The following CACNA2D1 variants were observed in gnomAD, a reference collection of about 807,000 sequenced individuals.
CACNA2D1 encodes voltage-dependent calcium channel subunit alpha-2/delta-1.
CACNA2D1 carries 53 observed loss-of-function variants against 171.5 expected under a neutral mutation model. The observed-to-expected ratio is 0.31, with a 90% CI of 0.25 to 0.39. CACNA2D1 has a LOEUF of 0.39. Among genes scored for constraint, CACNA2D1 ranks in the 10% least tolerant of loss-of-function variants. The probability of loss-of-function intolerance (pLI) is 1.00; values close to 1 mark genes in which losing one functional copy is unlikely to be tolerated. For missense variants in CACNA2D1, 903 were observed against 1,299.8 expected (o/e 0.69, Z 4.69); for synonymous variants, 442 against 443.1 (o/e 1.00, Z 0.03).
chr7:82,253,242 T>C (rs969238888), intron 3 of CACNA2D1, among the ~76,000 whole-genome samples: 4 of 152,186 alleles, frequency 2.6e-5, no homozygotes, highest in African/African-American at 7.2e-5. Flanking sequence ...CTGAAAAAGA[T>C]GATTGGCAGT....
chr7:82,367,288 G>A (rs12707489), intron 1 of CACNA2D1, among the ~76,000 whole-genome samples: 93,773 of 151,808 alleles, frequency 0.62, 29,681 homozygotes, highest in Middle Eastern at 0.73. Context: ...TTTCTCTGAT[G>A]ATTAGTGATG....
chr7:82,099,793 T>C (rs1449811928), intron 6 of CACNA2D1, among the ~76,000 whole-genome samples: 2 of 152,152 alleles, frequency 1.3e-5, no homozygotes, highest in Non-Finnish European at 2.9e-5. Context: ...TGTGAATCAC[T>C]GTAGGAATCA....
chr7:82,418,732 C>T (rs973495268), intron 1 of CACNA2D1, among the ~76,000 whole-genome samples: 3 of 152,106 alleles, frequency 2.0e-5, no homozygotes, highest in Non-Finnish European at 4.4e-5. Flanking sequence ...AGTAGACCAA[C>T]AGAAACACCT....
At chr7:81,951,969 GTTTTTTTTTT>G (rs774805421) in intron 38 of CACNA2D1, among the ~76,000 whole-genome samples, 3 of 71,916 alleles carry the variant, frequency 4.2e-5, no homozygotes, top group Non-Finnish European at 7.4e-5. Context: ...TGTACAAAGT[GTTTTTTTTTT>G]TTTTTTTTTT....
At chr7:82,236,927 A>C (rs1215240150) in intron 3 of CACNA2D1, among the ~76,000 whole-genome samples, 1 of 151,932 alleles carries the variant, frequency 6.6e-6, no homozygotes, top group Non-Finnish European at 1.5e-5. Flanking sequence ...ATTACTAGGA[A>C]CTTACTAAAG....
chr7:81,990,014 G>A (rs1045143175), intron 21 of CACNA2D1, among the ~76,000 whole-genome samples: 1 of 152,138 alleles, frequency 6.6e-6, no homozygotes, highest in Non-Finnish European at 1.5e-5. Flanking sequence ...AGACTATGAA[G>A]GCATTGCAGA....
intron 3 of CACNA2D1, among the ~76,000 whole-genome samples, chr7:82,285,783 A>G (rs564873288): frequency 6.6e-6 from 1 of 152,176 alleles, no homozygotes; most frequent in Admixed American, 6.5e-5. Flanking sequence ...AGGCCATGGG[A>G]CCCTCTATGA....
chr7:82,142,578 A>G (rs946138906), intron 4 of CACNA2D1, among the ~76,000 whole-genome samples: 48 of 152,320 alleles, frequency 3.2e-4, no homozygotes, highest in Middle Eastern at 3.4e-3. Flanking sequence ...TATAGTCAAC[A>G]ATTAAAATAT....
intron 6 of CACNA2D1, among the ~76,000 whole-genome samples, chr7:82,095,161 G>A (rs1355619422): frequency 6.6e-6 from 1 of 151,996 alleles, no homozygotes; most frequent in Non-Finnish European, 1.5e-5. Flanking sequence ...TCTGTATGCT[G>A]TCTTCTCTGT....
chr7:82,313,677 T>C (rs949720992), intron 3 of CACNA2D1, among the ~76,000 whole-genome samples: 3 of 152,248 alleles, frequency 2.0e-5, no homozygotes, highest in Non-Finnish European at 2.9e-5. Flanking sequence ...ATGACTTCTC[T>C]GCACATGTGT....
chr7:82,087,523 C>A (rs367808053), intron 6 of CACNA2D1, among the ~76,000 whole-genome samples: 1 of 147,794 alleles, frequency 6.8e-6, no homozygotes, highest in East Asian at 2.0e-4. Flanking sequence ...AACTGCTTCA[C>A]TAGGAAAGTT....
At chr7:82,415,696 C>A (rs1337833262) in intron 1 of CACNA2D1, among the ~76,000 whole-genome samples, 1 of 151,666 alleles carries the variant, frequency 6.6e-6, no homozygotes, top group Non-Finnish European at 1.5e-5. Context: ...TAATGCACTG[C>A]ATCTTTTTTT....
chr7:82,161,000 G>A (rs1034308090), intron 4 of CACNA2D1, among the ~76,000 whole-genome samples: 2 of 151,892 alleles, frequency 1.3e-5, no homozygotes, highest in Non-Finnish European at 1.5e-5. Context: ...TATGTGACAC[G>A]AGAGCCTTCA....
intron 3 of CACNA2D1, among the ~76,000 whole-genome samples, chr7:82,332,850 A>G (rs1817544421): frequency 6.6e-6 from 1 of 152,132 alleles, no homozygotes; most frequent in Admixed American, 6.5e-5. Flanking sequence ...AAATTAAAAA[A>G]TAGCCAAGTG....
chr7:82,223,154 C>A (rs1801979593), intron 3 of CACNA2D1, among the ~76,000 whole-genome samples: 1 of 152,078 alleles, frequency 6.6e-6, no homozygotes, highest in Non-Finnish European at 1.5e-5. Flanking sequence ...GATTCACCCA[C>A]CTTAGCCTCC....
Position 81,961,949 on chromosome 7 carries a change from A to C in CACNA2D1, c.2911T>G (p.Phe971Val). The change falls in exon 36 of 39, where the codon TTC becomes GTC. Residue 971 changes from phenylalanine to valine, a missense_variant. By Grantham distance (50) the Phe-to-Val change is conservative. Around this residue, in one of 5 missense-constraint regions of CACNA2D1, gnomAD observed 623 missense variants for 925.5 expected, o/e 0.67. Transcript: ENST00000356860. Reference protein sequence around the residue: ...SCITEQTQYFFDNDSKSFSGV... With the variant: ...SCITEQTQYFVDNDSKSFSGV... ...CTGAATGATTTACTGTCGTTATCGAAGAAATACTGGGTTTGTTCAGTAATG... is the reference window on the plus strand; with the variant it reads ...CTGAATGATTTACTGTCGTTATCGACGAAATACTGGGTTTGTTCAGTAATG... The C allele has an allele frequency of 6.2e-7, 1 of 1,611,696 alleles. No individual in the cohort carries two copies. The highest frequency in any genetic ancestry group is 8.5e-7 in the Non-Finnish European group (1 of 1,178,214).
chr7:82,009,412 T>C (rs2130900904), intron 15 of CACNA2D1: 1 of 152,206 alleles, frequency 6.6e-6, no homozygotes, highest in South Asian at 2.1e-4. Context: ...CATCCTTAAT[T>C]ATATAAATTA....
chr7:82,246,477 G>A (rs1450580470), intron 3 of CACNA2D1, among the ~76,000 whole-genome samples: 2 of 152,190 alleles, frequency 1.3e-5, no homozygotes, highest in South Asian at 2.1e-4. Flanking sequence ...TGCATGAGAA[G>A]CATTTAATTT....
intron 3 of CACNA2D1, among the ~76,000 whole-genome samples, chr7:82,208,441 T>C (rs1217024903): frequency 6.6e-6 from 1 of 152,158 alleles, no homozygotes; most frequent in Non-Finnish European, 1.5e-5. Flanking sequence ...ACAGAGGCTA[T>C]ATTCAAATAG....
Sources: gnomAD v4.1 joint callset for allele counts (sites outside exome capture counted in the v4.1 genomes callset) on GRCh38, gnomAD v4.1.1 for gene constraint, gnomAD v4.1.1 regional missense constraint, MANE v1.5 for transcripts, NCBI Gene and HGNC (gene_info 2026-07-23, HGNC 2026-07-21) for gene names.